GSAP: variants seen among roughly 807,000 people sequenced by gnomAD.
GSAP encodes the protein gamma-secretase-activating protein.
GSAP carries 118 observed loss-of-function variants against 131.7 expected under a neutral mutation model. That is an observed-to-expected ratio of 0.90 (90% CI 0.77 to 1.04). The LOEUF (loss-of-function observed/expected upper bound fraction) is 1.04, where lower values mean the gene tolerates loss of function less well. Ranked by LOEUF, GSAP falls within the 50% of genes least tolerant of loss-of-function variation. GSAP has a pLI of 0.00. For missense variants in GSAP, 1,019 were observed against 1,013.2 expected (o/e 1.01, Z -0.08); for synonymous variants, 381 against 363.4 (o/e 1.05, Z -0.55).
intron 3 of GSAP, among the ~76,000 whole-genome samples, chr7:77,402,668 A>G (rs1381703198): frequency 1.4e-5 from 2 of 145,338 alleles, no homozygotes; most frequent in Non-Finnish European, 3.0e-5. Flanking sequence ...CTTCAATAAA[A>G]CCATCAAAAG....
rs532432245 is a variant in GSAP at position 77,413,406 on chromosome 7, A to G, written c.109+2807T>C. Among the ~76,000 whole-genome samples the G allele has an allele frequency of 8.5e-5, 13 of 152,354 alleles. No individual in the cohort carries two copies. The South Asian group carries it at 2.7e-3, about 32-fold the overall frequency. On this transcript the variant is annotated intron_variant, in intron 1 of 30. Coordinates refer to ENST00000257626, the MANE Select transcript of GSAP (RefSeq NM_017439.4). Reference sequence around the variant, plus strand: ...CAATCCCTGAAGGGGCTGACAGCTGAAGACTGCCTGCTGACTATACTCACA... The same window carrying G: ...CAATCCCTGAAGGGGCTGACAGCTGGAGACTGCCTGCTGACTATACTCACA...
At position 77,397,641 on chromosome 7, in the gene GSAP, AAGTATAG is replaced by A. The variant is rs1800642118; in HGVS notation, c.244-233_244-227del. ...ACCGATATTTAGCCATGAGACAACC[AAGTATAG>A]TGGTTAACAGCATAGACATTGGAGC... On this transcript the variant is annotated intron_variant, in intron 3 of 30. Transcript: ENST00000257626. Among the ~76,000 whole-genome samples the A allele has an allele frequency of 2.6e-5, 4 of 152,204 alleles. No homozygotes were observed. In the South Asian group the frequency reaches 8.3e-4, roughly 31 times the overall value.
chr7:77,393,626 C>T (rs960153340), intron 5 of GSAP, among the ~76,000 whole-genome samples: 3 of 151,828 alleles, frequency 2.0e-5, no homozygotes, highest in Admixed American at 6.6e-5. Context: ...TCTTATGTTC[C>T]CATGAAATCC....
intron 6 of GSAP, among the ~76,000 whole-genome samples, chr7:77,383,231 T>G (rs1798045253): frequency 6.6e-6 from 1 of 152,036 alleles, no homozygotes; most frequent in African/African-American, 2.4e-5. Context: ...TGAAGCTAAT[T>G]CTAGGGATGG....
intron 24 of GSAP, among the ~76,000 whole-genome samples, 186 bp from the exon 25 acceptor site, chr7:77,321,589 T>C (rs1421828016): frequency 1.3e-5 from 2 of 152,188 alleles, no homozygotes; most frequent in Non-Finnish European, 2.9e-5. Context: ...ACTGAAAATG[T>C]GCACCAGAAA....
intron 5 of GSAP, among the ~76,000 whole-genome samples, chr7:77,395,565 G>T (rs530052928): frequency 7.7e-4 from 118 of 152,262 alleles, no homozygotes; most frequent in Middle Eastern, 3.4e-3. Context: ...GACGGAAGGG[G>T]TTGTTCTCAG....
chr7:77,395,391 G>A (rs1466084713), intron 5 of GSAP, among the ~76,000 whole-genome samples: 1 of 152,032 alleles, frequency 6.6e-6, no homozygotes, highest in Non-Finnish European at 1.5e-5. Context: ...CATATCCTGG[G>A]GTTTTGCCCA....
rs76567131 is a variant in GSAP, at chr7:77,326,358, T to G, written c.1766-85A>C. On this transcript the variant is annotated intron_variant, in intron 22 of 30. Coordinates refer to ENST00000257626, the MANE Select transcript of GSAP (RefSeq NM_017439.4). ...GAAGAAGAATCAGCCTGGGTTTCCC[T>G]TCTCTGAGTCATTGAGAAAACATAA... is the stretch of plus-strand genomic sequence containing the variant. The G allele has an allele frequency of 1.9e-3, 1,686 of 883,526 alleles. 20 individuals carry two copies. The African/African-American group carries it at 0.025, about 13-fold the overall frequency. 54.7% of individuals were successfully genotyped at this position (883,526 alleles called of 1,614,324 possible).
intron 8 of GSAP, among the ~76,000 whole-genome samples, chr7:77,378,497 AT>A (rs1249508827): frequency 4.0e-5 from 6 of 151,286 alleles, no homozygotes; most frequent in African/African-American, 9.8e-5. Flanking sequence ...AAAAATAAAA[AT>A]AAAAAACAAA....
chr7:77,402,858 T>G (rs1801615893), intron 3 of GSAP, among the ~76,000 whole-genome samples: 1 of 152,162 alleles, frequency 6.6e-6, no homozygotes, highest in African/African-American at 2.4e-5. Context: ...CTGGACTAAC[T>G]TTCACATTTT....
intron 19 of GSAP, among the ~76,000 whole-genome samples, chr7:77,349,056 A>C (rs1413304715): frequency 1.3e-5 from 2 of 152,214 alleles, no homozygotes; most frequent in Non-Finnish European, 2.9e-5. Flanking sequence ...CTCCCCCAGT[A>C]CAGCCTGTTC....
At chr7:77,317,906 A>G (rs1210197953) in intron 26 of GSAP, among the ~76,000 whole-genome samples, 3 of 152,188 alleles carry the variant, frequency 2.0e-5, no homozygotes, top group East Asian at 1.9e-4. Flanking sequence ...ATAATTTTAA[A>G]CCATCCATTC....
At chr7:77,377,139 C>A in intron 9 of GSAP, 147 bp downstream of exon 9, 1 of 964,390 alleles carries the variant, frequency 1.0e-6, no homozygotes, top group Non-Finnish European at 1.4e-6. Flanking sequence ...ATCACTTGAG[C>A]CCAGGAGTTC....
chr7:77,402,588 T>C (rs1457353029), intron 3 of GSAP, among the ~76,000 whole-genome samples: 7 of 16,680 alleles, frequency 4.2e-4, no homozygotes, highest in Admixed American at 3.2e-3. Context: ...AGTGAGACTC[T>C]GTCTCAAAAA....
chr7:77,389,997 C>G (rs907394646), intron 5 of GSAP, among the ~76,000 whole-genome samples: 4 of 152,186 alleles, frequency 2.6e-5, no homozygotes, highest in African/African-American at 9.7e-5. Context: ...GAGATAGTAT[C>G]TCATTGTGGT....
rs1040435642 is a variant in GSAP, at chr7:77,375,112, A to T, written c.742-11T>A. On this transcript the variant is annotated splice_polypyrimidine_tract_variant and intron_variant, in intron 10 of 30. Coordinates refer to ENST00000257626, the MANE Select transcript of GSAP (RefSeq NM_017439.4). ...CAAGGGTACTTCAAACTGTCAAAAA[A>T]ATCAAAGAAAATGAACCCAAAATGA... The T allele has an allele frequency of 6.5e-7, 1 of 1,537,414 alleles. No individual in the cohort carries two copies.
At chr7:77,374,220 TG>T in intron 11 of GSAP, 65 bp from the exon 12 acceptor site, 4 of 795,420 alleles carry the variant, frequency 5.0e-6, no homozygotes, top group Non-Finnish European at 8.5e-6. Context: ...ATAAAGGATG[TG>T]AGTAACCACT....
chr7:77,328,413 C>T, intron 22 of GSAP, 193 bp downstream of exon 22: 1 of 1,296,306 alleles, frequency 7.7e-7, no homozygotes, highest in East Asian at 3.0e-5. Flanking sequence ...AGCAGCTGTC[C>T]CCGGAGGTCC....
intron 10 of GSAP, among the ~76,000 whole-genome samples, chr7:77,375,455 C>T (rs534324223): frequency 6.6e-6 from 1 of 152,112 alleles, no homozygotes; most frequent in Admixed American, 6.5e-5. Flanking sequence ...GGAAGGAAGG[C>T]CTGGGTGTCT....
Sources: allele counts gnomAD v4.1 joint callset (sites outside exome capture counted in the v4.1 genomes callset), GRCh38; gene constraint gnomAD v4.1.1; transcripts MANE v1.5; gene names NCBI Gene and HGNC (gene_info 2026-07-23, HGNC 2026-07-21).